The following ELK3 variants were observed in gnomAD, a reference collection of about 807,000 sequenced individuals.
ELK3 encodes ETS domain-containing protein Elk-3.
ELK3 carries 10 observed loss-of-function variants against 28.9 expected under a neutral mutation model. The observed-to-expected ratio is 0.35, with a 90% CI of 0.21 to 0.59. The LOEUF (loss-of-function observed/expected upper bound fraction) is 0.59, where lower values mean the gene tolerates loss of function less well. Among genes scored for constraint, ELK3 ranks in the 20% least tolerant of loss-of-function variants. The pLI is 0.82. For missense variants in ELK3, 463 were observed against 517.3 expected, an observed-to-expected ratio of 0.90 and a Z score of 1.02; for synonymous variants, 272 against 243.5, an observed-to-expected ratio of 1.12 and a Z score of -1.09.
intron 3 of ELK3, among the ~76,000 whole-genome samples, chr12:96,254,578 G>C (rs1951932852): frequency 6.6e-6 from 1 of 152,154 alleles, no homozygotes; most frequent in African/African-American, 2.4e-5. Context: ...AGATCGTTTA[G>C]TTCAGGTCAA....
At chr12:96,262,882 G>T (rs774033225) in intron 4 of ELK3, among the ~76,000 whole-genome samples, 1 of 151,524 alleles carries the variant, frequency 6.6e-6, no homozygotes, top group Non-Finnish European at 1.5e-5. Flanking sequence ...TTGAACTCCT[G>T]GGTTCAAGTA....
intron 4 of ELK3, 111 bp downstream of exon 4, chr12:96,259,964 A>C: frequency 7.1e-7 from 1 of 1,407,344 alleles, no homozygotes; most frequent in South Asian, 1.6e-5. Flanking sequence ...TGAAATATTA[A>C]ATGTCCAGAG....
chr12:96,226,318 G>A (rs1951699322), intron 2 of ELK3, among the ~76,000 whole-genome samples: 1 of 152,196 alleles, frequency 6.6e-6, no homozygotes, highest in South Asian at 2.1e-4. Flanking sequence ...GCAGCCCCAG[G>A]CATCAAGCTG....
rs190824915 is a variant in ELK3 at position 96,201,506 on chromosome 12, G to A, written c.-3+6801G>A. ...TGCGTGCCAGTAGTCCCAGCTACCC[G>A]GGAGGTCAAGGCTGCAGTGAACCAT... On this transcript the variant is annotated intron_variant, in intron 1 of 4. Coordinates refer to ENST00000228741, the MANE Select transcript of ELK3 (RefSeq NM_005230.4). Among the ~76,000 whole-genome samples the A allele has an allele frequency of 1.1e-3, 164 of 150,764 alleles. 3 individuals are homozygous for A. Among genetic ancestry groups the A allele is most frequent in the Non-Finnish European group, 9.6e-4 (65 of 67,852 alleles).
chr12:96,240,281 G>A (rs1951811790), intron 2 of ELK3, among the ~76,000 whole-genome samples: 2 of 152,130 alleles, frequency 1.3e-5, no homozygotes, highest in African/African-American at 4.8e-5. Context: ...CTATTAAATT[G>A]TCATTAGGGC....
chr12:96,225,836 T>C (rs1211799820), intron 2 of ELK3, among the ~76,000 whole-genome samples: 3 of 152,196 alleles, frequency 2.0e-5, no homozygotes, highest in Non-Finnish European at 4.4e-5. Context: ...AAGTTTTGTT[T>C]ATTACCAAGA....
intron 2 of ELK3, among the ~76,000 whole-genome samples, chr12:96,228,244 C>T (rs550443054): frequency 2.8e-5 from 4 of 142,938 alleles, no homozygotes; most frequent in Non-Finnish European, 6.1e-5. Flanking sequence ...ATGGTGAAAC[C>T]CCGTCTCTAC....
At position 96,247,917 on chromosome 12, in the gene ELK3, CAG is replaced by C. The variant is rs1951871454; in HGVS notation, c.1002+184_1002+185del. Among the ~76,000 whole-genome samples the C allele has an allele frequency of 6.6e-6, 1 of 152,196 alleles. No homozygotes were observed. The highest frequency in any genetic ancestry group is 2.4e-5 in the African/African-American group (1 of 41,456). On this transcript the variant is annotated intron_variant, in intron 3 of 4. Coordinates refer to ENST00000228741, the MANE Select transcript of ELK3 (RefSeq NM_005230.4). The surrounding 1 kb of genome is among the most constrained non-coding windows in gnomAD (Gnocchi z 5.5). Reference sequence around the variant, plus strand: ...CTCAGACCAAGGGGTGCACATGAGACAGGGTTTGGTTTGTCGACTCTAGTGGG... The same window carrying C: ...CTCAGACCAAGGGGTGCACATGAGACGGTTTGGTTTGTCGACTCTAGTGGG...
chr12:96,241,733 G>A (rs1463428788), intron 2 of ELK3, among the ~76,000 whole-genome samples: 1 of 152,216 alleles, frequency 6.6e-6, no homozygotes, highest in Non-Finnish European at 1.5e-5. Flanking sequence ...CCAAAGGGAC[G>A]ACTTGCCCTT....
intron 1 of ELK3, among the ~76,000 whole-genome samples, chr12:96,203,976 T>G (rs1216763563): frequency 6.6e-6 from 1 of 152,134 alleles, no homozygotes; most frequent in African/African-American, 2.4e-5. Context: ...AAAAAGCTCC[T>G]CTATGCCACT....
chr12:96,251,585 C>T (rs1453197464), intron 3 of ELK3, among the ~76,000 whole-genome samples: 1 of 151,924 alleles, frequency 6.6e-6, no homozygotes, highest in Non-Finnish European at 1.5e-5. Flanking sequence ...GGAAGAGTTC[C>T]TGAAGGAAAT....
At chr12:96,236,908 A>C (rs1951788445) in intron 2 of ELK3, among the ~76,000 whole-genome samples, 1 of 152,076 alleles carries the variant, frequency 6.6e-6, no homozygotes, top group Non-Finnish European at 1.5e-5. Flanking sequence ...CCTAGGGAAA[A>C]ATCCCCCCTT....
chr12:96,220,448 C>T (rs1474397748), intron 1 of ELK3, among the ~76,000 whole-genome samples: 3 of 139,288 alleles, frequency 2.2e-5, no homozygotes, highest in East Asian at 2.1e-4. Flanking sequence ...AGTGCAGTGG[C>T]GCGATCTTGG....
chr12:96,201,752 T>C (rs376083164), intron 1 of ELK3, among the ~76,000 whole-genome samples: 2 of 152,212 alleles, frequency 1.3e-5, no homozygotes, highest in South Asian at 2.1e-4. Context: ...ATCTGACTTA[T>C]AGACATATGC....
intron 3 of ELK3, among the ~76,000 whole-genome samples, chr12:96,255,990 A>T (rs949220866): frequency 6.9e-5 from 9 of 130,350 alleles, no homozygotes; most frequent in Non-Finnish European, 1.4e-4. Context: ...GTGAACCCAG[A>T]TTATGGGGAA....
intron 1 of ELK3, among the ~76,000 whole-genome samples, chr12:96,217,870 A>G (rs12299943): frequency 0.37 from 54,704 of 148,712 alleles, 10,662 homozygotes; most frequent in East Asian, 0.59. Context: ...CCCGGGAGGC[A>G]GAGGTTGCAG....
At chr12:96,256,272 G>A (rs370965462) in intron 3 of ELK3, among the ~76,000 whole-genome samples, 1 of 152,172 alleles carries the variant, frequency 6.6e-6, no homozygotes, top group Non-Finnish European at 1.5e-5. Flanking sequence ...TGCAGTTATC[G>A]GAAGGCATTT....
chr12:96,228,416 C>CAAAAAAAAAAAA lies in ELK3; in HGVS notation c.207+4660_207+4671dup, dbSNP rs71091236. On this transcript the variant is annotated intron_variant, in intron 2 of 4. Transcript: ENST00000228741. Reference sequence around the variant, plus strand: ...CTGGCGACAGAGTGAGACTCTGTGTCAAAAAAAAAAAAAAAAAAAAAAAAA... The same window carrying CAAAAAAAAAAAA: ...CTGGCGACAGAGTGAGACTCTGTGTCAAAAAAAAAAAAAAAAAAAAAAAAAAAAAAAAAAAAA... Among the ~76,000 whole-genome samples, 101 of 68,306 alleles carry CAAAAAAAAAAAA rather than the reference C, an allele frequency of 1.5e-3. 1 individual carries two copies. The highest frequency in any genetic ancestry group is 9.7e-3 in the East Asian group (18 of 1,852). The allele number at this position is 68,306 out of a possible 152,430, so 44.8% of individuals were successfully genotyped here. A position where few individuals can be genotyped will look rare whatever the true frequency, so the allele number is the denominator to read the frequency against.
chr12:96,200,870 C>G (rs1005327557), intron 1 of ELK3, among the ~76,000 whole-genome samples: 2 of 151,976 alleles, frequency 1.3e-5, no homozygotes, highest in African/African-American at 4.8e-5. Context: ...GCCATATTGG[C>G]CAGGCTGGTC....
Sources: allele counts gnomAD v4.1 joint callset (sites outside exome capture counted in the v4.1 genomes callset), GRCh38; gene constraint gnomAD v4.1.1; non-coding constraint Gnocchi (gnomAD v3.1); transcripts MANE v1.5; gene names NCBI Gene and HGNC (gene_info 2026-07-23, HGNC 2026-07-21).